The following LOC730098 variants were observed in gnomAD, a reference collection of about 807,000 sequenced individuals.
chr9:34,665,416 G>GGAGGA, the LOC730098 span: 6 of 699,518 alleles, frequency 8.6e-6, no homozygotes, highest in Non-Finnish European at 1.6e-5. Context: ...GGCGGGGCGG[G>GGAGGA]GAGGAGCTGA....
chr9:34,664,749 C>A, the LOC730098 span: 1 of 348,878 alleles, frequency 2.9e-6, no homozygotes, highest in African/African-American at 2.1e-5. Context: ...ATTCTTCAGA[C>A]AGCTGGCAAA....
At chr9:34,664,339 G>C in the LOC730098 span, 1 of 152,208 alleles carries the variant, frequency 6.6e-6, no homozygotes, top group Non-Finnish European at 1.5e-5. Context: ...CCAGAAACTG[G>C]GCCATCTCTT....
chr9:34,665,916 T>G, the LOC730098 span: 1 of 545,506 alleles, frequency 1.8e-6, no homozygotes, highest in South Asian at 2.1e-5. Context: ...GCGAGAGGTT[T>G]GGCGGTCATG....
chr9:34,665,446 C>T, the LOC730098 span: 3 of 690,820 alleles, frequency 4.3e-6, no homozygotes, highest in Non-Finnish European at 7.9e-6. Context: ...CTCCGCCCCG[C>T]GGTGCCTCGC....
the LOC730098 span, chr9:34,664,524 G>C: frequency 1.3e-5 from 2 of 152,412 alleles, no homozygotes; most frequent in Admixed American, 6.5e-5. Context: ...CCTAGGGAGG[G>C]AGCAAGAACT....
At chr9:34,665,289 G>C in the LOC730098 span, 2 of 702,178 alleles carry the variant, frequency 2.8e-6, no homozygotes, top group Non-Finnish European at 5.2e-6. Flanking sequence ...CCCGGGGCGG[G>C]TCCGCGGTAT....
At chr9:34,664,614 A>G in the LOC730098 span, 1 of 157,332 alleles carries the variant, frequency 6.4e-6, no homozygotes, top group Non-Finnish European at 1.4e-5. Flanking sequence ...AACTGTAGGA[A>G]AGGTCGCCAA....
chr9:34,665,501 C>T, the LOC730098 span: 1 of 697,454 alleles, frequency 1.4e-6, no homozygotes, highest in Admixed American at 2.0e-5. Context: ...GCTCCCTTCG[C>T]GCCCACGCCC....
At chr9:34,664,164 C>T in the LOC730098 span, 1 of 152,258 alleles carries the variant, frequency 6.6e-6, no homozygotes, top group African/African-American at 2.4e-5. Context: ...CATAGACCTT[C>T]TTCATCACTT....
chr9:34,665,480 C>T, the LOC730098 span: 1 of 696,308 alleles, frequency 1.4e-6, no homozygotes, highest in Non-Finnish European at 2.6e-6. Flanking sequence ...TCCGCCCCGC[C>T]TCTAAAAGCG....
the LOC730098 span, chr9:34,665,178 G>A: frequency 1.3e-5 from 8 of 639,648 alleles, no homozygotes; most frequent in Non-Finnish European, 2.3e-5. Context: ...TCTGCTCCCC[G>A]GGGTGCGCCG....
At chr9:34,665,241 C>T in the LOC730098 span, 1 of 692,306 alleles carries the variant, frequency 1.4e-6, no homozygotes, top group Non-Finnish European at 2.6e-6. Context: ...CTACCGGATT[C>T]CCCCCGATGG....
At chr9:34,664,729 A>G in the LOC730098 span, 3 of 310,808 alleles carry the variant, frequency 9.7e-6, no homozygotes, top group Non-Finnish European at 1.8e-5. Flanking sequence ...ATATACTCCC[A>G]GCAGAGAAGA....
chr9:34,664,983 G>T, the LOC730098 span: 1 of 550,928 alleles, frequency 1.8e-6, no homozygotes, highest in Admixed American at 3.6e-5. Context: ...CGCTCGGCTC[G>T]AATGGCGACA....
chr9:34,665,198 G>A, the LOC730098 span: 1 of 653,972 alleles, frequency 1.5e-6, no homozygotes, highest in Non-Finnish European at 2.8e-6. Flanking sequence ...GAGCTGTGGG[G>A]CGACCCGACA....
the LOC730098 span, chr9:34,665,568 C>T: frequency 2.9e-6 from 2 of 700,550 alleles, no homozygotes; most frequent in African/African-American, 3.5e-5. Flanking sequence ...CTCCCCCACC[C>T]CGGAGCCGCC....
chr9:34,665,013 GT>G, the LOC730098 span: 1 of 583,784 alleles, frequency 1.7e-6, no homozygotes, highest in Non-Finnish European at 3.0e-6. Flanking sequence ...GAGTCAGGAG[GT>G]CAGTACGGTG....
At chr9:34,665,471 C>G in the LOC730098 span, 1 of 687,818 alleles carries the variant, frequency 1.5e-6, no homozygotes, top group South Asian at 1.5e-5. Context: ...GAGGAAGGCT[C>G]CGCCCCGCCT....
the LOC730098 span, chr9:34,665,280 C>G: frequency 2.4e-5 from 17 of 702,038 alleles, no homozygotes; most frequent in Non-Finnish European, 3.9e-5. Flanking sequence ...CCGTCCATGC[C>G]CGGGGCGGGT....
Sources: gnomAD v4.1 joint callset for allele counts on GRCh38, gnomAD v4.1.1 for gene constraint, MANE v1.5 for transcripts.